Variants in RTL4 observed in about 807,000 individuals in gnomAD.
RTL4 encodes the protein retrotransposon Gag like 4.
A neutral mutation model predicts 5.3 loss-of-function variants in RTL4; 4 were observed. That is an observed-to-expected ratio of 0.75 (90% CI 0.37 to 1.72). The LOEUF (loss-of-function observed/expected upper bound fraction) is 1.72, where lower values mean the gene tolerates loss of function less well. Among genes scored for constraint, RTL4 ranks in the 40% most tolerant of loss-of-function variants. RTL4 has a pLI of 0.04. For synonymous variants in RTL4, 98 were observed against 87.3 expected, an observed-to-expected ratio of 1.12 and a Z score of -0.68; for missense variants, 260 against 227.1, an observed-to-expected ratio of 1.14 and a Z score of -0.93.
At chrX:112,423,116 G>GA in the RTL4 span, among the ~76,000 whole-genome samples, 2 of 109,688 alleles carry the variant, frequency 1.8e-5, no homozygotes, top group Non-Finnish European at 3.8e-5. Flanking sequence ...GTGTGTGGGG[G>GA]GGGGATGGGA....
chrX:112,414,419 T>C, the RTL4 span, among the ~76,000 whole-genome samples: 16 of 111,691 alleles, frequency 1.4e-4, no homozygotes, highest in Admixed American at 1.2e-3. Context: ...TCAAAATCAC[T>C]TTTTGAAAAG....
At chrX:112,244,242 G>A in the RTL4 span, among the ~76,000 whole-genome samples, 2 of 111,514 alleles carry the variant, frequency 1.8e-5, no homozygotes, top group African/African-American at 6.5e-5. Flanking sequence ...TTCAAGTCCT[G>A]GATATCCTTG....
chrX:112,119,413 A>T, the RTL4 span, among the ~76,000 whole-genome samples: 1 of 110,700 alleles, frequency 9.0e-6, no homozygotes, highest in Non-Finnish European at 1.9e-5. Context: ...GTAGAGGTGG[A>T]GACAGTTGTC....
At chrX:112,185,372 TA>T in the RTL4 span, among the ~76,000 whole-genome samples, 2 of 83,365 alleles carry the variant, frequency 2.4e-5, no homozygotes, top group African/African-American at 1.1e-4. Context: ...TCAGCTATTT[TA>T]TTAATATATA....
chrX:112,157,509 C>T, the RTL4 span, among the ~76,000 whole-genome samples: 1 of 111,412 alleles, frequency 9.0e-6, no homozygotes, highest in East Asian at 2.8e-4. Flanking sequence ...CGTCTGCTCT[C>T]GTTTCTTCTC....
chrX:112,130,080 A>T, the RTL4 span, among the ~76,000 whole-genome samples: 1 of 111,209 alleles, frequency 9.0e-6, no homozygotes, highest in South Asian at 3.8e-4. Flanking sequence ...TTATCTACAG[A>T]TTTACCACAA....
the RTL4 span, among the ~76,000 whole-genome samples, chrX:112,439,700 C>T: frequency 9.0e-6 from 1 of 111,270 alleles, no homozygotes; most frequent in South Asian, 3.8e-4. Context: ...TCATGTTGCC[C>T]TCTGGATAAT....
At chrX:112,356,583 T>A in the RTL4 span, among the ~76,000 whole-genome samples, 2 of 105,374 alleles carry the variant, frequency 1.9e-5, no homozygotes, top group South Asian at 7.9e-4. Flanking sequence ...TTTTGGGGTG[T>A]GTGTGTGTGT....
At chrX:112,284,572 A>G in the RTL4 span, among the ~76,000 whole-genome samples, 1 of 111,521 alleles carries the variant, frequency 9.0e-6, no homozygotes, top group Non-Finnish European at 1.9e-5. Flanking sequence ...TAAACTATGA[A>G]AAGCCCAAGT....
chrX:112,100,674 A>G, the RTL4 span, among the ~76,000 whole-genome samples: 1 of 111,711 alleles, frequency 9.0e-6, no homozygotes, highest in Non-Finnish European at 1.9e-5. Flanking sequence ...AGAGCTGTAT[A>G]TCTTGCTATT....
At chrX:112,241,930 C>T in the RTL4 span, among the ~76,000 whole-genome samples, 1 of 112,091 alleles carries the variant, frequency 8.9e-6, no homozygotes, top group Non-Finnish European at 1.9e-5. Context: ...CCAGTTTTCC[C>T]AGCACCATTT....
chrX:112,399,296 C>G, the RTL4 span, among the ~76,000 whole-genome samples: 1 of 111,275 alleles, frequency 9.0e-6, no homozygotes, highest in South Asian at 3.7e-4. Context: ...CATTGATTTT[C>G]TCTATTGTTT....
At chrX:112,273,434 A>G in the RTL4 span, among the ~76,000 whole-genome samples, 1 of 110,464 alleles carries the variant, frequency 9.1e-6, no homozygotes, top group Non-Finnish European at 1.9e-5. Context: ...TTGTATTTTT[A>G]GTAGAGACGG....
chrX:112,406,082 C>T, the RTL4 span, among the ~76,000 whole-genome samples: 1 of 111,256 alleles, frequency 9.0e-6, no homozygotes, highest in African/African-American at 3.3e-5. Flanking sequence ...AACTTGAGTT[C>T]CTGTAACACT....
the RTL4 span, among the ~76,000 whole-genome samples, chrX:112,345,434 G>A: frequency 9.0e-6 from 1 of 111,307 alleles, no homozygotes; most frequent in Non-Finnish European, 1.9e-5. Flanking sequence ...TGGGCCCTGT[G>A]ATACAGATCC....
chrX:112,424,032 G>A, the RTL4 span, among the ~76,000 whole-genome samples: 1 of 111,194 alleles, frequency 9.0e-6, no homozygotes, highest in African/African-American at 3.3e-5. Context: ...TCTTTAGTTC[G>A]TGTACCTGAT....
At chrX:112,425,258 G>A in the RTL4 span, among the ~76,000 whole-genome samples, 6 of 111,233 alleles carry the variant, frequency 5.4e-5, no homozygotes, top group African/African-American at 2.0e-4. Context: ...TCATGGCTTC[G>A]TTGCTCATTT....
At chrX:112,433,169 G>C in the RTL4 span, among the ~76,000 whole-genome samples, 1 of 111,512 alleles carries the variant, frequency 9.0e-6, no homozygotes, top group Non-Finnish European at 1.9e-5. Context: ...GTAGTGTGAT[G>C]CCTCCAGCTT....
the RTL4 span, among the ~76,000 whole-genome samples, chrX:112,171,066 C>T: frequency 2.1e-4 from 24 of 111,859 alleles, no homozygotes; most frequent in Non-Finnish European, 3.8e-4. Flanking sequence ...TTGCATATGT[C>T]GAACCAATCT....
Sources: allele counts gnomAD v4.1 joint callset (sites outside exome capture counted in the v4.1 genomes callset), GRCh38; gene constraint gnomAD v4.1.1; transcripts MANE v1.5; gene names NCBI Gene and HGNC (gene_info 2026-07-23, HGNC 2026-07-21).